GK: variants seen among roughly 807,000 people sequenced by gnomAD.
GK encodes ATP:glycerol 3-phosphotransferase.
Under a neutral mutation model 56.4 loss-of-function variants are expected in GK, and 9 were observed. That is an observed-to-expected ratio of 0.16 (90% CI 0.10 to 0.28). The LOEUF (loss-of-function observed/expected upper bound fraction) is 0.28. Ranked by LOEUF, GK falls within the 10% of genes least tolerant of loss-of-function variation. The pLI, the probability that GK is intolerant of heterozygous loss-of-function variation, is 1.00. For missense variants in GK, 161 were observed against 431.4 expected, an observed-to-expected ratio of 0.37 and a Z score of 5.55; for synonymous variants, 104 against 144.1, an observed-to-expected ratio of 0.72 and a Z score of 1.99.
Position 30,720,983 on chromosome X carries a change from A to G in GK, c.1489A>G (p.Ile497Val). 8.3e-7 allele frequency: 1 copy of G among 1,209,768 alleles called. No individual in the cohort carries two copies. Residue 497 changes from isoleucine to valine, a missense_variant, in exon 18 of 21, where the codon ATT becomes GTT. Physicochemically the swap from Ile to Val is conservative, Grantham distance 29 (BLOSUM62 3). Transcript: ENST00000427190. ...CACGATGGAGCGGTTTGAACCTCAG[A>G]TTAATGCGGAGGGTACATTTAAAGA... The part of the protein sequence containing the change: ...AVTMERFEPQ[I>V]NAEESEIRYS...
chrX:30,712,717 CTTTTTTTTTTTTT>C (rs769269247), intron 13 of GK, among the ~76,000 whole-genome samples: 11 of 48,432 alleles, frequency 2.3e-4, no homozygotes, highest in Non-Finnish European at 1.4e-4. Context: ...TTTTTCTTTT[CTTTTTTTTTTTTT>C]TTTTTTTTTT....
Position 30,726,437 on chromosome X carries a change from G to A in GK, c.1583-1029G>A, listed in dbSNP as rs188969095. The stretch of plus-strand genomic sequence containing the variant: ...CGAGTAGCTGGGATTACAGGCATGC[G>A]CCACCATGCCCGGCTAATTTTGTAT... On this transcript the variant is annotated intron_variant, in intron 19 of 20. Transcript: ENST00000427190. Among the ~76,000 whole-genome samples the A allele has an allele frequency of 3.4e-3, 374 of 109,888 alleles. 1 individual carries two copies. The highest frequency in any genetic ancestry group is 0.011 in the African/African-American group (346 of 30,159).
chrX:30,660,706 G>A (rs996722958), intron 1 of GK, among the ~76,000 whole-genome samples: 1 of 110,238 alleles, frequency 9.1e-6, no homozygotes, highest in African/African-American at 3.3e-5. Context: ...GTGCTTCCGG[G>A]GTCTGTGTGT....
intron 18 of GK, chrX:30,721,292 T>G: frequency 3.9e-6 from 1 of 257,435 alleles, no homozygotes; most frequent in East Asian, 8.1e-5. Flanking sequence ...CTAGTTAGAA[T>G]AGCCTTTTTT....
chrX:30,712,145 G>GT (rs1288885883), intron 13 of GK, among the ~76,000 whole-genome samples: 2 of 111,487 alleles, frequency 1.8e-5, no homozygotes, highest in African/African-American at 6.5e-5. Flanking sequence ...ATACATAGCT[G>GT]TTTTTTTCAT....
At chrX:30,691,847 TG>T (rs1281073556) in intron 5 of GK, among the ~76,000 whole-genome samples, 1 of 110,646 alleles carries the variant, frequency 9.0e-6, no homozygotes, top group Non-Finnish European at 1.9e-5. Flanking sequence ...TTTAAGCATC[TG>T]GATTCAGGGA....
At chrX:30,691,562 T>C (rs1934935447) in intron 5 of GK, among the ~76,000 whole-genome samples, 1 of 97,074 alleles carries the variant, frequency 1.0e-5, no homozygotes, top group South Asian at 5.2e-4. Context: ...AGCCTCTGCC[T>C]CCTGGGTTCA....
At chrX:30,719,076 CA>C (rs1436357325) in intron 14 of GK, among the ~76,000 whole-genome samples, 1 of 111,305 alleles carries the variant, frequency 9.0e-6, no homozygotes, top group East Asian at 2.8e-4. Flanking sequence ...GAAGGTGAGA[CA>C]ATCAGAAATA....
chrX:30,694,542 G>A lies in GK; in HGVS notation c.552+5G>A. 1.7e-6 allele frequency: 2 copies of A among 1,195,535 alleles called. No individual in the cohort carries two copies. Among genetic ancestry groups the A allele is most frequent in the Non-Finnish European group, 2.3e-6 (2 of 881,176 alleles). Reference sequence around the variant, plus strand: ...ATTGATTCATGGCTTATTTGGGTATGTTTAAATATAATGGATATATGGAGA... The same window carrying A: ...ATTGATTCATGGCTTATTTGGGTATATTTAAATATAATGGATATATGGAGA... On this transcript the variant is annotated splice_donor_5th_base_variant and intron_variant, in intron 6 of 20. Coordinates refer to ENST00000427190, the MANE Select transcript of GK (RefSeq NM_001205019.2).
At chrX:30,696,759 T>A (rs748960648) in intron 8 of GK, 76 bp downstream of exon 8, 5 of 770,310 alleles carry the variant, frequency 6.5e-6, no homozygotes, top group South Asian at 4.6e-5. Flanking sequence ...ATAATTAAAG[T>A]TTTTTTATTA....
intron 1 of GK, among the ~76,000 whole-genome samples, chrX:30,658,236 G>A (rs1476708248): frequency 8.9e-6 from 1 of 111,999 alleles, no homozygotes; most frequent in Non-Finnish European, 1.9e-5. Context: ...AGGGACTAAT[G>A]AACAATAAAT....
chrX:30,725,809 G>A (rs1937103621), intron 19 of GK, among the ~76,000 whole-genome samples: 1 of 110,289 alleles, frequency 9.1e-6, no homozygotes, highest in South Asian at 3.9e-4. Context: ...CTGCCACCGT[G>A]CCCGGCTAAT....
intron 5 of GK, among the ~76,000 whole-genome samples, chrX:30,693,002 TTTTCTTTTC>T (rs1935049502): frequency 9.7e-6 from 1 of 102,776 alleles, no homozygotes; most frequent in Non-Finnish European, 2.0e-5. Context: ...TGTATTTTCT[TTTTCTTTTC>T]TTTTTTTTTT....
intron 11 of GK, among the ~76,000 whole-genome samples, chrX:30,704,556 A>C (rs978904401): frequency 6.5e-5 from 7 of 108,332 alleles, no homozygotes; most frequent in African/African-American, 2.0e-4. Context: ...TATACATAGA[A>C]ATTAGGTCTT....
At chrX:30,665,371 AG>A in intron 1 of GK, 139 bp from the exon 2 acceptor site, 1 of 467,239 alleles carries the variant, frequency 2.1e-6, no homozygotes. Flanking sequence ...CCATATGAAA[AG>A]AAAGTGGAAC....
intron 15 of GK, 82 bp downstream of exon 15, chrX:30,719,597 A>G: frequency 3.6e-6 from 2 of 555,440 alleles, no homozygotes; most frequent in Non-Finnish European, 6.2e-6. Flanking sequence ...TTTCTTATCT[A>G]TTTTCAAATA....
chrX:30,672,643 A>G (rs1295710187), intron 3 of GK, among the ~76,000 whole-genome samples: 1 of 111,426 alleles, frequency 9.0e-6, no homozygotes, highest in Non-Finnish European at 1.9e-5. Flanking sequence ...GAGAAACCCC[A>G]TCTCTACTAA....
At position 30,694,387 on chromosome X, in the gene GK, A is replaced by G. The variant is rs1489422493; in HGVS notation, c.415-13A>G. ...ACTTTTCATTTGCTAACTGAACTTC[A>G]CAACTGTTTTAGTCCAAGACAGGCC... On this transcript the variant is annotated splice_polypyrimidine_tract_variant and intron_variant, in intron 5 of 20. Transcript: ENST00000427190. The G allele has an allele frequency of 2.5e-6, 3 of 1,199,736 alleles. No individual in the cohort carries two copies. Among genetic ancestry groups the G allele is most frequent in the East Asian group, 5.9e-5 (2 of 33,814 alleles).
chrX:30,653,856 G>A (rs769038311), intron 1 of GK, among the ~76,000 whole-genome samples: 10 of 112,558 alleles, frequency 8.9e-5, no homozygotes, highest in Non-Finnish European at 1.5e-4. Flanking sequence ...GCGGAGCTGG[G>A]TCACCTACTA....
Sources: allele counts gnomAD v4.1 joint callset (sites outside exome capture counted in the v4.1 genomes callset), GRCh38; gene constraint gnomAD v4.1.1; transcripts MANE v1.5; gene names NCBI Gene and HGNC (gene_info 2026-07-23, HGNC 2026-07-21).